FDFT1: variants seen among roughly 807,000 people sequenced by gnomAD.
FDFT1 encodes farnesyl-diphosphate farnesyltransferase 1.
A neutral mutation model predicts 46.8 loss-of-function variants in FDFT1; 68 were observed. The ratio of observed to expected loss-of-function variants is 1.45; its 90% CI spans 1.19 to 1.78. The LOEUF is 1.78. Among genes scored for constraint, FDFT1 ranks in the 40% most tolerant of loss-of-function variants. The pLI is 0.00. For missense variants in FDFT1, 928 were observed against 524.4 expected (o/e 1.77, Z -7.52); for synonymous variants, 351 against 185.1 (o/e 1.90, Z -7.28).
chr8:11,802,390 C>G (rs766336265), upstream of FDFT1: 9 of 456,118 alleles, frequency 2.0e-5, no homozygotes, highest in Non-Finnish European at 4.0e-5. Context: ...CACCGTTGGG[C>G]TCCTGCGCAT....
At chr8:11,808,197 T>G in intron 1 of FDFT1, 5 of 1,037,548 alleles carry the variant, frequency 4.8e-6, no homozygotes, top group East Asian at 4.9e-5. Context: ...GTCCAGGCCT[T>G]ATTGGGAAGA....
In FDFT1 at chr8:11,830,323, A is replaced by G. The variant is rs1055163073; in HGVS notation, c.782A>G (p.Glu261Gly). 1 of 1,613,838 alleles carries G rather than the reference A, an allele frequency of 6.2e-7. No homozygotes were observed. The highest frequency in any genetic ancestry group is 1.7e-5 in the Admixed American group (1 of 60,012). ...NIDLAVQCLN[E>G]LITNALHHIP... ...GACTTGGCCGTGCAGTGCCTGAATGAACTTATAACCAATGCACTGCACCAC... is the reference window on the plus strand; with the variant it reads ...GACTTGGCCGTGCAGTGCCTGAATGGACTTATAACCAATGCACTGCACCAC... Residue 261 changes from glutamate (E) to glycine (G), a missense_variant, in exon 6 of 8, where the codon GAA becomes GGA. By Grantham distance (98) the Glu-to-Gly change is moderately conservative. Coordinates refer to ENST00000220584, the MANE Select transcript of FDFT1 (RefSeq NM_004462.5).
intron 7 of FDFT1, among the ~76,000 whole-genome samples, chr8:11,835,970 CTA>C (rs1491250881): frequency 1.2e-4 from 1 of 8,026 alleles, no homozygotes; most frequent in African/African-American, 2.0e-4. Flanking sequence ...CCTGTCTCTA[CTA>C]AAAAAAAAAA....
chr8:11,808,433 G>A (rs1279473980), intron 1 of FDFT1: 1 of 1,268,674 alleles, frequency 7.9e-7, no homozygotes, highest in Non-Finnish European at 9.9e-7. Context: ...TCGAGTAGAG[G>A]GCGAGCCCGT....
intron 3 of FDFT1, among the ~76,000 whole-genome samples, chr8:11,820,222 C>A (rs1809030412): frequency 6.6e-6 from 1 of 152,110 alleles, no homozygotes. Flanking sequence ...GAAGCTTCGT[C>A]CAAGAAGGAC....
intron 1 of FDFT1, chr8:11,808,120 G>A (rs903437105): frequency 1.3e-5 from 5 of 376,694 alleles, no homozygotes; most frequent in Admixed American, 6.3e-5. Flanking sequence ...GGGGATTCTG[G>A]TCAAATCAAT....
intron 1 of FDFT1, among the ~76,000 whole-genome samples, chr8:11,804,118 C>G (rs978657297): frequency 6.6e-6 from 1 of 152,096 alleles, no homozygotes; most frequent in Non-Finnish European, 1.5e-5. Flanking sequence ...TAGGTGAAGA[C>G]CTTGATTTTA....
chr8:11,835,263 A>T (rs1811381672), intron 7 of FDFT1, among the ~76,000 whole-genome samples: 1 of 152,234 alleles, frequency 6.6e-6, no homozygotes, highest in South Asian at 2.1e-4. Context: ...GAGTTTGCAG[A>T]AACCTACTGT....
intron 5 of FDFT1, among the ~76,000 whole-genome samples, chr8:11,828,058 C>T (rs916003880): frequency 2.6e-5 from 4 of 151,938 alleles, no homozygotes; most frequent in Admixed American, 2.6e-4. Context: ...AAAAATTAGC[C>T]AAGTGTGGTG....
rs368008867 is a variant in FDFT1 at position 11,797,177 on chromosome 8, C to T, written c.-94+1166C>T. Among the ~76,000 whole-genome samples the T allele has an allele frequency of 2.0e-3, 310 of 152,328 alleles. 2 individuals are homozygous for T. The highest frequency in any genetic ancestry group is 6.9e-3 in the African/African-American group (285 of 41,568). ...CTGCTTCGGCCCCTCCCTGTTTTAG[C>T]TAGTCCTCAATTTGGTCGGCTGTCT... On this transcript the variant is annotated intron_variant, in intron 1 of 7. Transcript: ENST00000538689.
chr8:11,825,994 T>C, intron 4 of FDFT1, 30 bp from the exon 5 acceptor site: 1 of 1,486,198 alleles, frequency 6.7e-7, no homozygotes, highest in Non-Finnish European at 9.1e-7. Context: ...AATTCCATTA[T>C]TAAAGTGCTT....
intron 3 of FDFT1, among the ~76,000 whole-genome samples, chr8:11,810,632 C>T (rs1011982425): frequency 1.3e-5 from 2 of 152,062 alleles, no homozygotes; most frequent in Non-Finnish European, 2.9e-5. Flanking sequence ...TTTTTAAAGT[C>T]CCTCAAGTTC....
In FDFT1 at chr8:11,821,771, C is replaced by T. The variant is rs765188877; in HGVS notation, c.403C>T (p.Leu135=). The change falls in exon 4 of 8, where the codon CTG becomes TTG. Residue 135 remains leucine (L), a synonymous_variant. Transcript: ENST00000220584. The part of the protein sequence containing the change: ...FPTISLEFRN[L]AEKYQTVIAD... ...TCAGATCTCCCTTGAGTTTAGAAAT[C>T]TGGCTGAGAAATACCAAACAGTGAT... 15 of 1,613,318 alleles carry T rather than the reference C, an allele frequency of 9.3e-6. No individual in the cohort carries two copies. Among genetic ancestry groups the T allele is most frequent in the African/African-American group, 2.7e-5 (2 of 74,922 alleles).
At chr8:11,825,031 G>T (rs976291750) in intron 4 of FDFT1, among the ~76,000 whole-genome samples, 1 of 152,128 alleles carries the variant, frequency 6.6e-6, no homozygotes, top group African/African-American at 2.4e-5. Context: ...CATCGTGCCC[G>T]GCTGAATGTG....
intron 1 of FDFT1, among the ~76,000 whole-genome samples, chr8:11,807,300 G>A (rs1023298504): frequency 8.5e-5 from 13 of 152,188 alleles, no homozygotes; most frequent in Non-Finnish European, 1.5e-4. Context: ...ATAGGTGGGC[G>A]CCACCACACC....
rs199577543 is a variant in FDFT1, at chr8:11,821,896, G to T, written c.510+18G>T. 28 of 1,610,570 alleles carry T rather than the reference G, an allele frequency of 1.7e-5. No homozygotes were observed. The African/African-American group carries it at 2.9e-4, about 17-fold the overall frequency. On this transcript the variant is annotated intron_variant, in intron 4 of 7. Coordinates refer to ENST00000220584, the MANE Select transcript of FDFT1 (RefSeq NM_004462.5). ...GGGACAAGGTTAGTCTCATAAAACA[G>T]TGTCTGTGTGTGATGTATTAGACAG...
intron 7 of FDFT1, among the ~76,000 whole-genome samples, chr8:11,836,779 T>G (rs890137845): frequency 2.0e-5 from 3 of 152,250 alleles, no homozygotes; most frequent in Non-Finnish European, 4.4e-5. Context: ...CTCACGCCTG[T>G]AATCCCAGCC....
At chr8:11,830,977 A>C (rs893255077) in intron 6 of FDFT1, among the ~76,000 whole-genome samples, 3 of 152,200 alleles carry the variant, frequency 2.0e-5, no homozygotes, top group African/African-American at 7.2e-5. Context: ...CTAATGACCA[A>C]CTTCGAATGG....
chr8:11,822,985 C>A (rs1171412605), intron 4 of FDFT1, among the ~76,000 whole-genome samples: 2 of 152,146 alleles, frequency 1.3e-5, no homozygotes, highest in African/African-American at 4.8e-5. Context: ...GAGACAGGGT[C>A]TTGCTGTTAT....
Sources: allele counts gnomAD v4.1 joint callset (sites outside exome capture counted in the v4.1 genomes callset), GRCh38; gene constraint gnomAD v4.1.1; transcripts MANE v1.5; gene names NCBI Gene and HGNC (gene_info 2026-07-23, HGNC 2026-07-21).